OR9Q1: variants seen among roughly 807,000 people sequenced by gnomAD.
OR9Q1 encodes olfactory receptor 9Q1.
For missense variants in OR9Q1, 374 were observed against 378.8 expected (o/e 0.99, Z 0.11); for synonymous variants, 153 against 148.6 (o/e 1.03, Z -0.22).
intron 2 of OR9Q1, among the ~76,000 whole-genome samples, chr11:58,122,567 T>A (rs750716293): frequency 6.6e-6 from 1 of 152,234 alleles, no homozygotes; most frequent in Non-Finnish European, 1.5e-5. Context: ...TATAAAGCAA[T>A]GCAGGCACTA....
chr11:58,065,318 G>T (rs1342500451), intron 2 of OR9Q1, among the ~76,000 whole-genome samples: 1 of 152,236 alleles, frequency 6.6e-6, no homozygotes, highest in Non-Finnish European at 1.5e-5. Flanking sequence ...CAGACAGGCA[G>T]ATATCTGCAT....
intron 2 of OR9Q1, among the ~76,000 whole-genome samples, chr11:58,094,884 C>T (rs1371901529): frequency 6.6e-6 from 1 of 152,178 alleles, no homozygotes; most frequent in Non-Finnish European, 1.5e-5. Flanking sequence ...CCTCATGCAT[C>T]TTCAACAGAT....
chr11:58,115,286 T>A (rs1853942022), intron 2 of OR9Q1, among the ~76,000 whole-genome samples: 1 of 152,222 alleles, frequency 6.6e-6, no homozygotes, highest in Non-Finnish European at 1.5e-5. Flanking sequence ...AAATGTTATT[T>A]ATTGTGAGAC....
chr11:58,144,166 T>C (rs1224136007), intron 2 of OR9Q1, among the ~76,000 whole-genome samples: 1 of 148,224 alleles, frequency 6.7e-6, no homozygotes, highest in Non-Finnish European at 1.5e-5. Flanking sequence ...CTCCTAATGC[T>C]ATCCCTCCCC....
Position 58,179,637 on chromosome 11 carries a change from C to A in OR9Q1, c.193C>A (p.His65Asn). ...LHAPMYFLLS[H>N]LAFMDVCYSS... ...CGCTCCAATGTATTTCCTTCTGAGT[C>A]ACCTCGCTTTCATGGACGTCTGCTA... The change falls in exon 3 of 3, where the codon CAC becomes AAC. Residue 65 changes from histidine to asparagine, a missense_variant. Coordinates refer to ENST00000335397, the MANE Select transcript of OR9Q1 (RefSeq NM_001005212.4). 6.2e-7 allele frequency: 1 copy of A among 1,612,932 alleles called. No individual in the cohort carries two copies. The highest frequency in any genetic ancestry group is 8.5e-7 in the Non-Finnish European group (1 of 1,179,190).
chr11:58,030,879 T>C, intron 1 of OR9Q1: 1 of 912,352 alleles, frequency 1.1e-6, no homozygotes, highest in Non-Finnish European at 1.7e-6. Flanking sequence ...TACAACATCC[T>C]CCAACCTCAC....
At chr11:58,171,876 G>A (rs537224823) in intron 2 of OR9Q1, among the ~76,000 whole-genome samples, 1 of 152,268 alleles carries the variant, frequency 6.6e-6, no homozygotes, top group South Asian at 2.1e-4. Context: ...TTTCCATAAA[G>A]TCCAGCTCTA....
At chr11:58,027,155 G>T (rs1189720774) in intron 1 of OR9Q1, among the ~76,000 whole-genome samples, 1 of 152,204 alleles carries the variant, frequency 6.6e-6, no homozygotes, top group Non-Finnish European at 1.5e-5. Flanking sequence ...TTCTGTGCAG[G>T]TGCAATTGCC....
chr11:58,057,821 C>G (rs1311390247), intron 2 of OR9Q1: 2 of 152,146 alleles, frequency 1.3e-5, no homozygotes, highest in Non-Finnish European at 2.9e-5. Flanking sequence ...CAGCGTCACA[C>G]CACCTGGAGA....
chr11:58,031,462 A>G, intron 1 of OR9Q1: 1 of 1,614,106 alleles, frequency 6.2e-7, no homozygotes, highest in Non-Finnish European at 8.5e-7. Context: ...TGTCTCAGCT[A>G]ACATTTTATG....
chr11:58,056,643 G>C (rs1853331212), intron 2 of OR9Q1, among the ~76,000 whole-genome samples: 1 of 152,218 alleles, frequency 6.6e-6, no homozygotes, highest in South Asian at 2.1e-4. Flanking sequence ...GAGTTGAGTA[G>C]TTGTGATAGA....
chr11:58,163,200 T>C (rs1382266194), intron 2 of OR9Q1, among the ~76,000 whole-genome samples: 1 of 152,220 alleles, frequency 6.6e-6, no homozygotes, highest in Non-Finnish European at 1.5e-5. Context: ...TCATCTCCCC[T>C]GAATTTTATC....
chr11:58,136,253 T>A (rs544422135), intron 2 of OR9Q1, among the ~76,000 whole-genome samples: 2 of 152,168 alleles, frequency 1.3e-5, no homozygotes, highest in Non-Finnish European at 2.9e-5. Context: ...AACAATTAGA[T>A]AACAGATTGC....
chr11:58,034,336 C>T (rs1853074855), intron 1 of OR9Q1, among the ~76,000 whole-genome samples: 1 of 151,930 alleles, frequency 6.6e-6, no homozygotes, highest in African/African-American at 2.4e-5. Context: ...ATCTGCCCAC[C>T]TCGGCCTCCC....
At chr11:58,100,544 C>T (rs944140193) in intron 2 of OR9Q1, among the ~76,000 whole-genome samples, 10 of 152,130 alleles carry the variant, frequency 6.6e-5, no homozygotes, top group East Asian at 3.9e-4. Flanking sequence ...CACATGTTTA[C>T]GCTTTATGGT....
intron 2 of OR9Q1, among the ~76,000 whole-genome samples, chr11:58,103,487 G>T (rs1456869353): frequency 6.6e-6 from 1 of 151,956 alleles, no homozygotes; most frequent in Non-Finnish European, 1.5e-5. Flanking sequence ...CTCAGATCAT[G>T]AATTATTTTC....
chr11:58,030,923 T>C, intron 1 of OR9Q1: 1 of 1,363,012 alleles, frequency 7.3e-7, no homozygotes, highest in Non-Finnish European at 1.0e-6. Flanking sequence ...TCTATGAGGC[T>C]ATGAGTTTGC....
chr11:58,156,164 C>T (rs958474491), intron 2 of OR9Q1, among the ~76,000 whole-genome samples: 3 of 152,130 alleles, frequency 2.0e-5, no homozygotes, highest in African/African-American at 4.8e-5. Flanking sequence ...CCACCCGCCT[C>T]GGCCTCCCAA....
intron 2 of OR9Q1, among the ~76,000 whole-genome samples, chr11:58,066,537 G>T (rs1853431402): frequency 1.3e-5 from 2 of 152,128 alleles, no homozygotes; most frequent in Non-Finnish European, 2.9e-5. Context: ...CTTACATGGT[G>T]ATATCTTCAG....
Sources: allele counts gnomAD v4.1 joint callset (sites outside exome capture counted in the v4.1 genomes callset), GRCh38; gene constraint gnomAD v4.1.1; transcripts MANE v1.5; gene names NCBI Gene and HGNC (gene_info 2026-07-23, HGNC 2026-07-21).